CHRM3: variants seen among roughly 807,000 people sequenced by gnomAD.
The protein encoded by CHRM3 is cholinergic receptor muscarinic 3.
A neutral mutation model predicts 41.8 loss-of-function variants in CHRM3; 11 were observed. That is an observed-to-expected ratio of 0.26 (90% confidence interval 0.17 to 0.44). The LOEUF (loss-of-function observed/expected upper bound fraction) is 0.44, where lower values mean the gene tolerates loss of function less well. Ranked by LOEUF, CHRM3 falls within the 20% of genes least tolerant of loss-of-function variation. The pLI, the probability that CHRM3 is intolerant of heterozygous loss-of-function variation, is 1.00. For missense variants in CHRM3, 571 were observed against 745.4 expected, an observed-to-expected ratio of 0.77 and a Z score of 2.72; for synonymous variants, 297 against 301.4, an observed-to-expected ratio of 0.99 and a Z score of 0.15.
At chr1:239,883,502 T>C (rs940783438) in intron 6 of CHRM3, among the ~76,000 whole-genome samples, 2 of 152,142 alleles carry the variant, frequency 1.3e-5, no homozygotes, top group Non-Finnish European at 2.9e-5. Flanking sequence ...CAAACACTGC[T>C]TGCTCTCTAT....
intron 5 of CHRM3, among the ~76,000 whole-genome samples, chr1:239,784,263 T>G (rs1039987000): frequency 1.3e-5 from 2 of 152,224 alleles, no homozygotes; most frequent in African/African-American, 4.8e-5. Context: ...TTCTTTTGAT[T>G]AGCATTAGCT....
At chr1:239,700,363 C>T (rs1484052977) in intron 5 of CHRM3, among the ~76,000 whole-genome samples, 4 of 152,134 alleles carry the variant, frequency 2.6e-5, no homozygotes, top group African/African-American at 9.7e-5. Flanking sequence ...TGACAAGGAG[C>T]TCACTATTTC....
intron 1 of CHRM3, among the ~76,000 whole-genome samples, chr1:239,419,829 G>C (rs976509864): frequency 1.3e-5 from 2 of 152,118 alleles, no homozygotes; most frequent in African/African-American, 4.8e-5. Context: ...CTTCTCGAGG[G>C]AACCATCAAA....
chr1:239,473,432 A>G (rs1009975117), intron 1 of CHRM3, among the ~76,000 whole-genome samples: 1 of 152,202 alleles, frequency 6.6e-6, no homozygotes, highest in Non-Finnish European at 1.5e-5. Flanking sequence ...GGCATTTCAT[A>G]TAAGTGATAG....
chr1:239,492,649 A>G (rs1179438872), intron 1 of CHRM3, 60 bp from the exon 2 acceptor site: 1 of 152,200 alleles, frequency 6.6e-6, no homozygotes, highest in East Asian at 1.9e-4. Context: ...CTGATAAGAA[A>G]TGTGAGCAGA....
At chr1:239,460,267 T>C (rs1431238031) in intron 1 of CHRM3, among the ~76,000 whole-genome samples, 1 of 152,142 alleles carries the variant, frequency 6.6e-6, no homozygotes, top group Non-Finnish European at 1.5e-5. Context: ...GGACCTTTTG[T>C]ACTTCTCTGC....
chr1:239,602,112 A>ATGTGTG (rs1665652458), intron 3 of CHRM3, among the ~76,000 whole-genome samples: 1 of 37,140 alleles, frequency 2.7e-5, no homozygotes. Context: ...GTGTGTGTGT[A>ATGTGTG]TATATATATA....
rs138134292 is a variant in CHRM3, at chr1:239,769,789, G to A, written c.-146-57463G>A. ...CCAGCTATATGGGAGGTTGAGGCAC[G>A]AGAATTGCTTGAGCCCAGGAGGCAG... On this transcript the variant is annotated intron_variant, in intron 5 of 6. Coordinates refer to ENST00000676153, the MANE Select transcript of CHRM3 (RefSeq NM_001375978.1). 1.2e-3 allele frequency among the ~76,000 whole-genome samples: 176 copies of A among 152,086 alleles called. 2 individuals carry two copies. The highest frequency in any genetic ancestry group is 3.8e-4 in the Non-Finnish European group (26 of 68,002).
intron 5 of CHRM3, among the ~76,000 whole-genome samples, chr1:239,809,719 G>A (rs10802806): frequency 0.44 from 66,687 of 151,532 alleles, 16,238 homozygotes; most frequent in South Asian, 0.56. Flanking sequence ...GGCTGGTCTC[G>A]AAAGCCTGGA....
At chr1:239,753,635 A>G (rs988828699) in intron 5 of CHRM3, among the ~76,000 whole-genome samples, 4 of 152,196 alleles carry the variant, frequency 2.6e-5, no homozygotes, top group African/African-American at 9.6e-5. Context: ...TTACAATTCA[A>G]CATGAGATTT....
At chr1:239,843,622 A>G (rs1674017450) in intron 6 of CHRM3, among the ~76,000 whole-genome samples, 2 of 151,998 alleles carry the variant, frequency 1.3e-5, no homozygotes, top group Non-Finnish European at 2.9e-5. Flanking sequence ...TAAAATTTTC[A>G]TTACTCTAAT....
At chr1:239,566,596 C>T (rs373570447) in intron 3 of CHRM3, among the ~76,000 whole-genome samples, 2 of 152,208 alleles carry the variant, frequency 1.3e-5, no homozygotes, top group East Asian at 1.9e-4. Context: ...CATTGAGACC[C>T]GGGTTAATTA....
rs116579328 is a variant in CHRM3, at chr1:239,773,851, A to G, written c.-146-53401A>G. On this transcript the variant is annotated intron_variant, in intron 5 of 6. Coordinates refer to ENST00000676153, the MANE Select transcript of CHRM3 (RefSeq NM_001375978.1). ...ATAGGGGTTTCGTTAGAATGGAAGA[A>G]GGAAGGAGAATGAATCTTTGGTGAG... Among the ~76,000 whole-genome samples the G allele has an allele frequency of 6.5e-3, 987 of 152,304 alleles. 11 individuals carry two copies. The highest frequency in any genetic ancestry group is 0.022 in the African/African-American group (923 of 41,572).
At chr1:239,460,056 A>G (rs1665239414) in intron 1 of CHRM3, among the ~76,000 whole-genome samples, 1 of 152,216 alleles carries the variant, frequency 6.6e-6, no homozygotes, top group East Asian at 1.9e-4. Flanking sequence ...TGTAACTTGC[A>G]CAAAGTTACA....
At chr1:239,735,394 T>C (rs183527565) in intron 5 of CHRM3, among the ~76,000 whole-genome samples, 7 of 152,298 alleles carry the variant, frequency 4.6e-5, no homozygotes, top group East Asian at 1.9e-4. Context: ...AGATGTTTCA[T>C]GTAGCTGACA....
At chr1:239,759,213 T>A (rs77732991) in intron 5 of CHRM3, among the ~76,000 whole-genome samples, 3 of 141,616 alleles carry the variant, frequency 2.1e-5, no homozygotes, top group African/African-American at 8.2e-5. Flanking sequence ...AGGCTTATCC[T>A]GAATGTCTGC....
chr1:239,688,506 A>G (rs1464044287), intron 5 of CHRM3, among the ~76,000 whole-genome samples: 2 of 140,334 alleles, frequency 1.4e-5, no homozygotes, highest in Non-Finnish European at 3.0e-5. Flanking sequence ...TATATTATAT[A>G]TGTTTAATAC....
intron 3 of CHRM3, among the ~76,000 whole-genome samples, chr1:239,552,263 ATCATATATATGTATAGATGATATG>A: frequency 6.8e-6 from 1 of 147,558 alleles, no homozygotes; most frequent in Non-Finnish European, 1.5e-5. Context: ...GATGATATGT[ATCATATATATGTATAGATGATATG>A]TATCATATTT....
At chr1:239,485,458 A>T (rs1667126372) in intron 1 of CHRM3, among the ~76,000 whole-genome samples, 2 of 152,022 alleles carry the variant, frequency 1.3e-5, no homozygotes, top group South Asian at 4.2e-4. Flanking sequence ...AATTTTTTAA[A>T]TGTTTGTAGA....
Sources: allele counts gnomAD v4.1 joint callset (sites outside exome capture counted in the v4.1 genomes callset), GRCh38; gene constraint gnomAD v4.1.1; transcripts MANE v1.5; gene names NCBI Gene and HGNC (gene_info 2026-07-23, HGNC 2026-07-21).